LEKR1: variants seen among roughly 807,000 people sequenced by gnomAD.
LEKR1 encodes protein LEKR1.
In LEKR1, 59 loss-of-function variants were observed where a neutral mutation model predicts 72.4. The observed-to-expected ratio is 0.82, with a 90% confidence interval of 0.66 to 1.01. The LOEUF (loss-of-function observed/expected upper bound fraction) is 1.01, where lower values mean the gene tolerates loss of function less well. Among genes scored for constraint, LEKR1 ranks in the 50% least tolerant of loss-of-function variants. The pLI is 0.00. For missense variants in LEKR1, 728 were observed against 759.2 expected (o/e 0.96, Z 0.48); for synonymous variants, 257 against 263.2 (o/e 0.98, Z 0.23).
intron 3 of LEKR1, among the ~76,000 whole-genome samples, chr3:156,910,720 G>A (rs1001291965): frequency 3.9e-5 from 6 of 152,158 alleles, no homozygotes; most frequent in Admixed American, 2.0e-4. Context: ...TAGTGTATGT[G>A]TACCACATTT....
At chr3:156,898,798 G>T (rs1348190361) in intron 3 of LEKR1, among the ~76,000 whole-genome samples, 1 of 152,146 alleles carries the variant, frequency 6.6e-6, no homozygotes, top group African/African-American at 2.4e-5. Context: ...TAAAGCATTT[G>T]CTATGGCAAA....
At chr3:156,888,695 T>A (rs1720354585) in intron 3 of LEKR1, among the ~76,000 whole-genome samples, 1 of 152,300 alleles carries the variant, frequency 6.6e-6, no homozygotes, top group East Asian at 1.9e-4. Context: ...ATTTTTCAAG[T>A]TTTCTGTTAA....
At chr3:156,995,828 C>T (rs1433059538) in intron 9 of LEKR1, among the ~76,000 whole-genome samples, 2 of 152,124 alleles carry the variant, frequency 1.3e-5, no homozygotes, top group East Asian at 3.9e-4. Flanking sequence ...GACTCTGTCT[C>T]AAAATAAATA....
chr3:157,021,794 C>A (rs1177691050), intron 10 of LEKR1, among the ~76,000 whole-genome samples: 5 of 152,068 alleles, frequency 3.3e-5, no homozygotes, highest in Admixed American at 6.6e-5. Flanking sequence ...AGTGCCAGAG[C>A]ATCTTATGAA....
At chr3:156,939,256 G>C (rs1725990221) in intron 5 of LEKR1, among the ~76,000 whole-genome samples, 1 of 152,144 alleles carries the variant, frequency 6.6e-6, no homozygotes, top group Admixed American at 6.5e-5. Flanking sequence ...TCTGTACACA[G>C]ACACCTACGG....
At chr3:157,011,254 G>T (rs1732863551) in intron 9 of LEKR1, among the ~76,000 whole-genome samples, 159 bp from the exon 10 acceptor site, 1 of 152,054 alleles carries the variant, frequency 6.6e-6, no homozygotes, top group Non-Finnish European at 1.5e-5. Flanking sequence ...CTTGTAAATT[G>T]CTGTTAATAG....
chr3:157,025,058 T>C (rs1734090968), intron 11 of LEKR1, 134 bp downstream of exon 11: 15 of 587,870 alleles, frequency 2.6e-5, no homozygotes, highest in Non-Finnish European at 3.8e-5. Flanking sequence ...GTTTTAGCTA[T>C]GCAGGTAAGA....
rs570204977 is a variant in LEKR1, at chr3:156,841,171, C to G, written c.49-11597C>G. ...GGATGGCCAGAGGGGGAACTTTATG[C>G]TGGTGGTGAAACTGGAGTTGCCTCT... On this transcript the variant is annotated intron_variant, in intron 2 of 12. Transcript: ENST00000356539. Among the ~76,000 whole-genome samples, 5 of 152,150 alleles carry G rather than the reference C, an allele frequency of 3.3e-5. No individual in the cohort carries two copies. The East Asian group carries it at 9.6e-4, about 29-fold the overall frequency.
chr3:157,031,502 T>G (rs1032458199), intron 12 of LEKR1, among the ~76,000 whole-genome samples: 2 of 152,064 alleles, frequency 1.3e-5, no homozygotes, highest in African/African-American at 2.4e-5. Flanking sequence ...AGTAAATAAT[T>G]AAGGCTGCTT....
At chr3:156,866,844 G>A (rs1717365674) in intron 3 of LEKR1, among the ~76,000 whole-genome samples, 1 of 151,852 alleles carries the variant, frequency 6.6e-6, no homozygotes, top group African/African-American at 2.4e-5. Context: ...TATATTTTTT[G>A]TATTCCCCTT....
chr3:157,011,379 GT>G (rs765335303), intron 9 of LEKR1, 33 bp from the exon 10 acceptor site: 1 of 1,399,566 alleles, frequency 7.1e-7, no homozygotes, highest in Non-Finnish European at 1.0e-6. Context: ...TTAGGGGTAA[GT>G]ATTGACTCAT....
rs763668309 is a variant in LEKR1, at chr3:156,853,035, GAAAT to G, written c.263+59_263+62del. 4.6e-5 allele frequency: 54 copies of G among 1,176,902 alleles called. No homozygotes were observed. In the African/African-American group the frequency reaches 6.8e-4, roughly 15 times the overall value. The allele number at this position is 1,176,902 out of a possible 1,614,324, so 72.9% of individuals were successfully genotyped here. ...TTATTTAGTTGAAAGACAGCTACAG[GAAAT>G]AAATACACTTTGAATGTTTTTCTAA... On this transcript the variant is annotated intron_variant, in intron 3 of 12. Coordinates refer to ENST00000356539, the MANE Select transcript of LEKR1 (RefSeq NM_001004316.3).
chr3:157,026,953 G>A (rs1222415166), intron 11 of LEKR1, among the ~76,000 whole-genome samples: 1 of 152,150 alleles, frequency 6.6e-6, no homozygotes, highest in Non-Finnish European at 1.5e-5. Flanking sequence ...GAACCACCTT[G>A]AGAAGCAATA....
At chr3:156,901,560 A>G (rs1172146244) in intron 3 of LEKR1, among the ~76,000 whole-genome samples, 2 of 152,346 alleles carry the variant, frequency 1.3e-5, no homozygotes, top group South Asian at 2.1e-4. Flanking sequence ...TGCAATTACA[A>G]TTTTATCAGA....
At chr3:156,995,556 A>G (rs1351257408) in intron 9 of LEKR1, among the ~76,000 whole-genome samples, 2 of 152,220 alleles carry the variant, frequency 1.3e-5, no homozygotes, top group African/African-American at 2.4e-5. Flanking sequence ...AAAATGACAG[A>G]CACGGTGGCT....
chr3:156,940,770 G>T (rs535224987), intron 5 of LEKR1, among the ~76,000 whole-genome samples: 3 of 152,096 alleles, frequency 2.0e-5, no homozygotes, highest in Non-Finnish European at 4.4e-5. Flanking sequence ...TTAAATGTTA[G>T]ATAGAAAGTC....
chr3:156,852,618 TA>T, intron 2 of LEKR1, 149 bp from the exon 3 acceptor site: 3 of 402,638 alleles, frequency 7.5e-6, no homozygotes, highest in Non-Finnish European at 8.8e-6. Context: ...TAAAATTTTT[TA>T]TACAAGTGTT....
chr3:156,859,220 GA>G (rs1716456406), intron 3 of LEKR1, among the ~76,000 whole-genome samples: 1 of 152,014 alleles, frequency 6.6e-6, no homozygotes, highest in Admixed American at 6.6e-5. Flanking sequence ...AATGATAAGG[GA>G]ATATTGAAGT....
intron 3 of LEKR1, among the ~76,000 whole-genome samples, chr3:156,864,298 G>A (rs571692395): frequency 6.6e-6 from 1 of 151,898 alleles, no homozygotes; most frequent in East Asian, 1.9e-4. Context: ...TCCTTCCATC[G>A]TATCAGCTGG....
Sources: gnomAD v4.1 joint callset for allele counts (sites outside exome capture counted in the v4.1 genomes callset) on GRCh38, gnomAD v4.1.1 for gene constraint, MANE v1.5 for transcripts, NCBI Gene and HGNC (gene_info 2026-07-23, HGNC 2026-07-21) for gene names.